Variants in HS6ST3 observed in about 807,000 individuals in gnomAD.
The protein encoded by HS6ST3 is heparan-sulfate 6-O-sulfotransferase 3.
In HS6ST3, 12 loss-of-function variants were observed where a neutral mutation model predicts 36.7. The ratio of observed to expected loss-of-function variants is 0.33; its 90% CI spans 0.21 to 0.53. The LOEUF is 0.53. HS6ST3 is among the 20% of genes least tolerant of loss of function. HS6ST3 has a pLI of 0.95. For missense variants in HS6ST3, 584 were observed against 640.9 expected (o/e 0.91, Z 0.96); for synonymous variants, 240 against 257.5 (o/e 0.93, Z 0.65).
Position 96,334,493 on chromosome 13 carries a change from T to G in HS6ST3, c.707+242924T>G, listed in dbSNP as rs527489866. Among the ~76,000 whole-genome samples, 9 of 152,350 alleles carry G rather than the reference T, an allele frequency of 5.9e-5. No individual in the cohort carries two copies. In the South Asian group the frequency reaches 1.9e-3, roughly 32 times the overall value. ...TTACTGCATTCGTCAGTTCTCACAC[T>G]GCTCATAAAGACCTACCTGAGACTA... On this transcript the variant is annotated intron_variant, in intron 1 of 1. Transcript: ENST00000376705.
chr13:96,306,224 C>T (rs939519458), intron 1 of HS6ST3, among the ~76,000 whole-genome samples: 3 of 151,956 alleles, frequency 2.0e-5, no homozygotes, highest in Non-Finnish European at 2.9e-5. Flanking sequence ...CTCCCTCAGC[C>T]TCCCAAGTAG....
In HS6ST3 at chr13:96,133,246, A is replaced by G. The variant is rs564805264; in HGVS notation, c.707+41677A>G. On this transcript the variant is annotated intron_variant, in intron 1 of 1. Transcript: ENST00000376705. ...CGGTTTCAAGTGATTCTCCTGCGTC[A>G]GCCTCCGAGTAGCTGGGATTACAGG... 3.9e-5 allele frequency among the ~76,000 whole-genome samples: 6 copies of G among 152,264 alleles called. No homozygotes were observed. The East Asian group carries it at 1.2e-3, about 29-fold the overall frequency.
intron 1 of HS6ST3, among the ~76,000 whole-genome samples, chr13:96,333,701 G>A (rs1043561351): frequency 6.6e-6 from 1 of 152,120 alleles, no homozygotes; most frequent in East Asian, 1.9e-4. Flanking sequence ...TGGATTTGGG[G>A]GTAGGTGCTT....
intron 1 of HS6ST3, among the ~76,000 whole-genome samples, chr13:96,173,999 A>G (rs1410323578): frequency 6.6e-6 from 1 of 151,488 alleles, no homozygotes; most frequent in Non-Finnish European, 1.5e-5. Context: ...AAAGTAAATT[A>G]TCACCTGTTA....
At chr13:96,323,827 C>A (rs780661976) in intron 1 of HS6ST3, among the ~76,000 whole-genome samples, 4 of 152,148 alleles carry the variant, frequency 2.6e-5, no homozygotes, top group Non-Finnish European at 5.9e-5. Context: ...TTATTTTCTT[C>A]CCACCACCAG....
chr13:96,091,221 T>G lies in HS6ST3; in HGVS notation c.359T>G (p.Leu120Arg). Residue 120 changes from leucine to arginine, a missense_variant, in exon 1 of 2, where the codon CTG becomes CGG. Physicochemically the swap from Leu to Arg is moderately radical, Grantham distance 102 (BLOSUM62 -2). Transcript: ENST00000376705. ...PDPEAPENGS[L>R]PRFVPRFNFS... Reference sequence around the variant, plus strand: ...CCCGAGGCCCCGGAAAACGGCTCCCTGCCCCGATTCGTGCCGCGCTTCAAC... The same window carrying G: ...CCCGAGGCCCCGGAAAACGGCTCCCGGCCCCGATTCGTGCCGCGCTTCAAC... 1 of 1,577,626 alleles carries G rather than the reference T, an allele frequency of 6.3e-7. No individual in the cohort carries two copies. Among genetic ancestry groups the G allele is most frequent in the Non-Finnish European group, 8.6e-7 (1 of 1,161,246 alleles).
chr13:96,815,978 G>A (rs1272436034), intron 1 of HS6ST3, among the ~76,000 whole-genome samples: 2 of 152,060 alleles, frequency 1.3e-5, no homozygotes, highest in African/African-American at 4.8e-5. Flanking sequence ...GAAGGGGCAG[G>A]GCTCTGAATG....
At chr13:96,697,770 A>G (rs1047162892) in intron 1 of HS6ST3, among the ~76,000 whole-genome samples, 1 of 152,188 alleles carries the variant, frequency 6.6e-6, no homozygotes, top group Non-Finnish European at 1.5e-5. Flanking sequence ...TGCCAAAGTT[A>G]AGTTATAAGT....
intron 1 of HS6ST3, among the ~76,000 whole-genome samples, chr13:96,525,561 C>T (rs1049821204): frequency 6.6e-5 from 10 of 152,142 alleles, no homozygotes; most frequent in South Asian, 2.1e-4. Context: ...CACACACACA[C>T]GCAAACACAC....
intron 1 of HS6ST3, among the ~76,000 whole-genome samples, chr13:96,400,270 TACACAGACACACATATAGACAC>T (rs1328216728): frequency 1.2e-3 from 171 of 142,684 alleles, no homozygotes; most frequent in African/African-American, 4.1e-3. Context: ...CACACAGACA[TACACAGACACACATATAGACAC>T]ACACAGACAC....
At chr13:96,166,575 C>CTTTTTTTTTTTTCTTTT (rs2054161256) in intron 1 of HS6ST3, among the ~76,000 whole-genome samples, 1 of 131,590 alleles carries the variant, frequency 7.6e-6, no homozygotes, top group African/African-American at 2.8e-5. Context: ...TTCTTTCTTT[C>CTTTTTTTTTTTTCTTTT]TTTTTTTTTT....
At chr13:96,502,064 C>A (rs745323829) in intron 1 of HS6ST3, among the ~76,000 whole-genome samples, 11 of 152,142 alleles carry the variant, frequency 7.2e-5, no homozygotes, top group Non-Finnish European at 1.6e-4. Flanking sequence ...ATCTAACTTT[C>A]CACCTTTAAG....
rs548937986 is a variant in HS6ST3 at position 96,102,261 on chromosome 13, A to G, written c.707+10692A>G. 2.6e-5 allele frequency among the ~76,000 whole-genome samples: 4 copies of G among 152,342 alleles called. 1 individual carries two copies. The South Asian group carries it at 8.3e-4, about 32-fold the overall frequency. On this transcript the variant is annotated intron_variant, in intron 1 of 1. Transcript: ENST00000376705. ...TACTTGTGTCTAAAAACTTCTCACA[A>G]CATGAAGGAACCTGTGTACATTGGA... is the stretch of plus-strand genomic sequence containing the variant.
chr13:96,218,962 C>A (rs1304515669), intron 1 of HS6ST3, among the ~76,000 whole-genome samples: 1 of 152,146 alleles, frequency 6.6e-6, no homozygotes, highest in Non-Finnish European at 1.5e-5. Context: ...TCTTTTTCTG[C>A]CTTCCATAAT....
chr13:96,545,512 C>T (rs1003116561), intron 1 of HS6ST3, among the ~76,000 whole-genome samples: 22 of 152,152 alleles, frequency 1.4e-4, no homozygotes, highest in African/African-American at 5.3e-4. Context: ...TGGGGTAACT[C>T]AGTGCTCTAC....
chr13:96,718,591 G>C (rs1196216179), intron 1 of HS6ST3, among the ~76,000 whole-genome samples: 2 of 151,950 alleles, frequency 1.3e-5, no homozygotes, highest in African/African-American at 4.8e-5. Context: ...AAAAATAAAG[G>C]TTATAAAATT....
intron 1 of HS6ST3, among the ~76,000 whole-genome samples, chr13:96,722,989 G>T (rs766200671): frequency 4.0e-5 from 2 of 50,112 alleles, no homozygotes; most frequent in African/African-American, 2.3e-4. Context: ...AAAAATATAC[G>T]TGTGTGTGTG....
chr13:96,624,561 G>C (rs986720920), intron 1 of HS6ST3, among the ~76,000 whole-genome samples: 1 of 152,130 alleles, frequency 6.6e-6, no homozygotes, highest in Non-Finnish European at 1.5e-5. Flanking sequence ...AGTAAGCATA[G>C]TACCCAATAG....
At chr13:96,357,755 C>G (rs1018166402) in intron 1 of HS6ST3, among the ~76,000 whole-genome samples, 4 of 152,094 alleles carry the variant, frequency 2.6e-5, no homozygotes, top group African/African-American at 9.7e-5. Flanking sequence ...CTCCTGGCCT[C>G]AAGCCATCCT....
Sources: allele counts gnomAD v4.1 joint callset (sites outside exome capture counted in the v4.1 genomes callset), GRCh38; gene constraint gnomAD v4.1.1; transcripts MANE v1.5; gene names NCBI Gene and HGNC (gene_info 2026-07-23, HGNC 2026-07-21).